Variants in NOL10 observed in about 807,000 individuals in gnomAD.
NOL10 encodes H_NH0074G24.1.
In NOL10, 58 loss-of-function variants were observed where a neutral mutation model predicts 103.5. That is an observed-to-expected ratio of 0.56 (90% CI 0.45 to 0.70). NOL10 has a LOEUF of 0.70. Ranked by LOEUF, NOL10 falls within the 30% of genes least tolerant of loss-of-function variation. NOL10 has a pLI of 0.00. For synonymous variants in NOL10, 287 were observed against 282.5 expected (o/e 1.02, Z -0.16); for missense variants, 763 against 807.3 (o/e 0.95, Z 0.67).
At chr2:10,649,075 C>T (rs901153398) in intron 12 of NOL10, among the ~76,000 whole-genome samples, 12 of 152,000 alleles carry the variant, frequency 7.9e-5, no homozygotes, top group African/African-American at 2.7e-4. Flanking sequence ...TTTTATTAGG[C>T]ACAATAAGGG....
intron 3 of NOL10, among the ~76,000 whole-genome samples, chr2:10,678,729 G>C (rs1206442144): frequency 1.3e-5 from 2 of 152,058 alleles, no homozygotes; most frequent in Non-Finnish European, 2.9e-5. Context: ...AAAGAAGTAG[G>C]GATAGATACC....
chr2:10,657,841 G>T lies in NOL10; in HGVS notation c.807C>A (p.His269Gln), dbSNP rs939201808. ...RSDKPLLVKD[H>Q]QYGLPIKSVH... is the part of the protein sequence containing the mutation. Reference sequence around the variant, plus strand: ...CGGACTTAATGGGCAGCCCATACTGGTGATCTTTAACTAGCAATGGCTTAT... The same window carrying T: ...CGGACTTAATGGGCAGCCCATACTGTTGATCTTTAACTAGCAATGGCTTAT... Residue 269 changes from histidine to glutamine, a missense_variant, in exon 11 of 21, where the codon CAC becomes CAA. Transcript: ENST00000381685. 1.3e-6 allele frequency: 2 copies of T among 1,549,430 alleles called. No homozygotes were observed. The highest frequency in any genetic ancestry group is 1.4e-5 in the African/African-American group (1 of 72,960).
At chr2:10,672,002 T>C (rs1232127023) in intron 5 of NOL10, among the ~76,000 whole-genome samples, 6 of 152,286 alleles carry the variant, frequency 3.9e-5, no homozygotes, top group African/African-American at 4.8e-5. Flanking sequence ...GTACCCTCAA[T>C]GATCAGTTCC....
chr2:10,639,941 A>G (rs544645930), intron 13 of NOL10, among the ~76,000 whole-genome samples: 1 of 152,342 alleles, frequency 6.6e-6, no homozygotes, highest in East Asian at 1.9e-4. Context: ...GGCTACAGAG[A>G]TATCTAAGTG....
chr2:10,587,220 T>TATATATATAC (rs1675138627), intron 19 of NOL10, among the ~76,000 whole-genome samples: 3 of 59,310 alleles, frequency 5.1e-5, no homozygotes, highest in Non-Finnish European at 8.6e-5. Context: ...TATATATACA[T>TATATATATAC]ATATATACAT....
intron 13 of NOL10, among the ~76,000 whole-genome samples, chr2:10,615,513 A>C (rs1676785528): frequency 1.3e-5 from 2 of 152,192 alleles, no homozygotes; most frequent in Admixed American, 1.3e-4. Context: ...CCAAATTAAA[A>C]CTGATGTTAA....
chr2:10,685,826 C>A (rs544676393), intron 1 of NOL10, among the ~76,000 whole-genome samples: 16 of 147,366 alleles, frequency 1.1e-4, no homozygotes, highest in Middle Eastern at 3.4e-3. Flanking sequence ...ATAATCCCAG[C>A]ACTGAGGCAA....
At chr2:10,587,586 T>C (rs1299034622) in intron 19 of NOL10, among the ~76,000 whole-genome samples, 1 of 151,868 alleles carries the variant, frequency 6.6e-6, no homozygotes, top group Non-Finnish European at 1.5e-5. Context: ...GCACATTTTT[T>C]ACTTTGCAGG....
At chr2:10,639,826 C>G (rs925898915) in intron 13 of NOL10, among the ~76,000 whole-genome samples, 1 of 151,894 alleles carries the variant, frequency 6.6e-6, no homozygotes. Context: ...AGAACCTGGT[C>G]TCTGAGAGAA....
chr2:10,669,099 T>G (rs1680742001), intron 6 of NOL10, among the ~76,000 whole-genome samples: 6 of 152,064 alleles, frequency 3.9e-5, no homozygotes, highest in Admixed American at 3.3e-4. Flanking sequence ...TTTTTTTGTT[T>G]TTTTGTTTTT....
intron 8 of NOL10, 36 bp from the exon 9 acceptor site, chr2:10,663,080 T>C (rs2148326990): frequency 6.4e-7 from 1 of 1,572,130 alleles, no homozygotes; most frequent in Non-Finnish European, 8.7e-7. Flanking sequence ...ATAAAAGCTG[T>C]AGAAGGCGGG....
intron 17 of NOL10, among the ~76,000 whole-genome samples, chr2:10,596,271 G>A (rs562631960): frequency 7.5e-6 from 1 of 133,642 alleles, no homozygotes. Flanking sequence ...GGCGGGGGGC[G>A]GGCGCGAGGG....
chr2:10,649,311 A>AT (rs56031158), intron 12 of NOL10, among the ~76,000 whole-genome samples: 24,332 of 98,050 alleles, frequency 0.25, 5,351 homozygotes, highest in East Asian at 0.37. Flanking sequence ...GTATGTTTGA[A>AT]TTTTTTTTTT....
At position 10,606,425 on chromosome 2, in the gene NOL10, G is replaced by T. The variant is rs141941766; in HGVS notation, c.1153+760C>A. 5.2e-3 allele frequency among the ~76,000 whole-genome samples: 786 copies of T among 152,008 alleles called. 2 individuals are homozygous for T. Among genetic ancestry groups the T allele is most frequent in the Non-Finnish European group, 8.1e-3 (548 of 67,942 alleles). On this transcript the variant is annotated intron_variant, in intron 14 of 20. Transcript: ENST00000381685. The stretch of plus-strand genomic sequence containing the variant: ...GGATCACCTGAGGCCAGGAGTTCAA[G>T]ACCAGCCCGGCCAACATGGTGAAAC...
intron 13 of NOL10, among the ~76,000 whole-genome samples, chr2:10,629,354 T>A (rs1022164677): frequency 1.3e-5 from 2 of 152,152 alleles, no homozygotes; most frequent in African/African-American, 4.8e-5. Context: ...ACTATTACTT[T>A]ATATTCATAC....
At chr2:10,630,323 A>G (rs1677749462) in intron 13 of NOL10, among the ~76,000 whole-genome samples, 1 of 152,244 alleles carries the variant, frequency 6.6e-6, no homozygotes, top group Non-Finnish European at 1.5e-5. Flanking sequence ...ACTCGGGTCC[A>G]ACCAATTCCA....
chr2:10,666,778 T>G (rs1680591471), intron 8 of NOL10, among the ~76,000 whole-genome samples: 1 of 151,856 alleles, frequency 6.6e-6, no homozygotes. Context: ...AAAATATGTA[T>G]GTACACATAT....
At position 10,588,902 on chromosome 2, in the gene NOL10, C is replaced by A. The variant is rs1484585222; in HGVS notation, c.1844+141G>T. 5.5e-6 allele frequency: 7 copies of A among 1,283,444 alleles called. No homozygotes were observed. In the South Asian group the frequency reaches 8.6e-5, roughly 16 times the overall value. 79.5% of individuals were successfully genotyped at this position (1,283,444 alleles called of 1,614,324 possible). On this transcript the variant is annotated intron_variant, in intron 19 of 20. Coordinates refer to ENST00000381685, the MANE Select transcript of NOL10 (RefSeq NM_024894.4). ...CACATCACCTCCTGCACGGCCTTAC[C>A]TCCCCTGCTTCCCTCGTCCCCTCCA...
At chr2:10,630,341 A>C (rs1677750694) in intron 13 of NOL10, among the ~76,000 whole-genome samples, 1 of 152,220 alleles carries the variant, frequency 6.6e-6, no homozygotes, top group African/African-American at 2.4e-5. Flanking sequence ...CCAAAGTCTA[A>C]GTTATTTCTA....
Sources: allele counts gnomAD v4.1 joint callset (sites outside exome capture counted in the v4.1 genomes callset), GRCh38; gene constraint gnomAD v4.1.1; transcripts MANE v1.5; gene names NCBI Gene and HGNC (gene_info 2026-07-23, HGNC 2026-07-21).